GOSR2: variants seen among roughly 807,000 people sequenced by gnomAD.
The protein encoded by GOSR2 is 27 kDa Golgi SNARE protein.
A neutral mutation model predicts 27.9 loss-of-function variants in GOSR2; 20 were observed. The ratio of observed to expected loss-of-function variants is 0.72; its 90% CI spans 0.50 to 1.04. GOSR2 has a LOEUF of 1.04. Among genes scored for constraint, GOSR2 ranks in the 50% least tolerant of loss-of-function variants. The pLI is 0.00. For missense variants in GOSR2, 261 were observed against 270.5 expected, an observed-to-expected ratio of 0.97 and a Z score of 0.25; for synonymous variants, 91 against 98.8, an observed-to-expected ratio of 0.92 and a Z score of 0.47.
At chr17:46,963,880 A>G (rs1321448073) in intron 6 of GOSR2, 1 of 152,286 alleles carries the variant, frequency 6.6e-6, no homozygotes, top group East Asian at 1.9e-4. Context: ...GCAATAGCAC[A>G]ATAAGAGCTC....
In GOSR2 at chr17:46,939,206, C is replaced by G; in HGVS notation, c.*446C>G. Reference sequence around the variant, plus strand: ...AAAGGAAAGGAAAGAGGCCTTTTCTCACAGCCATTATATTAAATAGTAGGT... The same window carrying G: ...AAAGGAAAGGAAAGAGGCCTTTTCTGACAGCCATTATATTAAATAGTAGGT... On this transcript the variant is annotated 3_prime_UTR_variant, in exon 6 of 6. Transcript: ENST00000640051. 1.9e-6 allele frequency: 2 copies of G among 1,079,384 alleles called. No individual in the cohort carries two copies. Among genetic ancestry groups the G allele is most frequent in the Non-Finnish European group, 2.3e-6 (2 of 883,322 alleles). The allele number at this position is 1,079,384 out of a possible 1,614,324, so 66.9% of individuals were successfully genotyped here. A position where few individuals can be genotyped will look rare whatever the true frequency, so the allele number is the denominator to read the frequency against.
At chr17:46,926,321 A>T (rs1036749834) in intron 1 of GOSR2, among the ~76,000 whole-genome samples, 1 of 152,138 alleles carries the variant, frequency 6.6e-6, no homozygotes. Flanking sequence ...CAGCGTTTTC[A>T]TGTTCATCAT....
chr17:46,940,083 G>C lies in GOSR2; in HGVS notation c.*1323G>C, dbSNP rs980007951. On this transcript the variant is annotated 3_prime_UTR_variant, in exon 6 of 6. Coordinates refer to ENST00000640051, the MANE Select transcript of GOSR2 (RefSeq NM_004287.5). The stretch of plus-strand genomic sequence containing the variant: ...TTTCTTGTTGCTTGAACTGTCTTCT[G>C]TCTTATTTCCCTTCCTTTCTGTGTT... 20 of 1,129,104 alleles carry C rather than the reference G, an allele frequency of 1.8e-5. No homozygotes were observed. The African/African-American group carries it at 3.0e-4, about 17-fold the overall frequency. The allele number at this position is 1,129,104 out of a possible 1,614,324, so 69.9% of individuals were successfully genotyped here. A position where few individuals can be genotyped will look rare whatever the true frequency, so the allele number is the denominator to read the frequency against.
chr17:46,926,418 A>G (rs1012592769), intron 1 of GOSR2, among the ~76,000 whole-genome samples: 1 of 152,158 alleles, frequency 6.6e-6, no homozygotes, highest in African/African-American at 2.4e-5. Context: ...AAGCACTTCC[A>G]TTAAAAAATT....
intron 6 of GOSR2, chr17:46,973,138 A>T (rs2091410003): frequency 6.5e-6 from 1 of 153,174 alleles, no homozygotes; most frequent in Non-Finnish European, 1.5e-5. Context: ...CCACATGTGT[A>T]CACGTATACC....
chr17:46,974,252 C>T (rs191942303), intron 6 of GOSR2, among the ~76,000 whole-genome samples: 191 of 152,342 alleles, frequency 1.3e-3, no homozygotes, highest in African/African-American at 4.5e-3. Flanking sequence ...CAGGGCCAGA[C>T]GCTAGGTCTG....
rs117987302 is a variant in GOSR2 at position 46,935,256 on chromosome 17, G to A, written c.477+87G>A. The A allele has an allele frequency of 9.2e-5, 148 of 1,606,220 alleles. 1 individual carries two copies. Among genetic ancestry groups the A allele is most frequent in the East Asian group, 8.9e-4 (40 of 44,788 alleles). On this transcript the variant is annotated intron_variant, in intron 5 of 5. Transcript: ENST00000640051. The stretch of plus-strand genomic sequence containing the variant: ...GTAACTGTGTTTATATTTTGATTAC[G>A]TGTCCTCAAATTGTGATATTTTGAT...
Position 46,938,659 on chromosome 17 carries a change from C to G in GOSR2, c.538C>G (p.Arg180Gly), listed in dbSNP as rs1305687118. The G allele has an allele frequency of 6.2e-7, 1 of 1,614,024 alleles. No homozygotes were observed. Residue 180 changes from arginine (R) to glycine (G), a missense_variant, in exon 6 of 6, where the codon CGG becomes GGG. Transcript: ENST00000640051. ...GCTGGGCTTGTCCAACACAGTGATGCGGCTCATCGAGAAGCGGGCTTTCCA... is the reference window on the plus strand; with the variant it reads ...GCTGGGCTTGTCCAACACAGTGATGGGGCTCATCGAGAAGCGGGCTTTCCA... ...NMLGLSNTVM[R>G]LIEKRAFQDK...
chr17:46,955,152 T>C (rs982158545), intron 6 of GOSR2, among the ~76,000 whole-genome samples: 1 of 152,084 alleles, frequency 6.6e-6, no homozygotes, highest in African/African-American at 2.4e-5. Context: ...GGCTGTGGGT[T>C]TGTCATAGAT....
At position 46,938,979 on chromosome 17, in the gene GOSR2, A is replaced by G; in HGVS notation, c.*219A>G. 7.1e-7 allele frequency: 1 copy of G among 1,415,392 alleles called. No homozygotes were observed. Among genetic ancestry groups the G allele is most frequent in the East Asian group, 2.9e-5 (1 of 34,984 alleles). The allele number at this position is 1,415,392 out of a possible 1,614,324, so 87.7% of individuals were successfully genotyped here. On this transcript the variant is annotated 3_prime_UTR_variant, in exon 6 of 6. Coordinates refer to ENST00000640051, the MANE Select transcript of GOSR2 (RefSeq NM_004287.5). Reference sequence around the variant, plus strand: ...CACCACCATGCGCGGTGCTTAGGAAATGAAAGAAGTCCCGGGTCTGTCTCT... The same window carrying G: ...CACCACCATGCGCGGTGCTTAGGAAGTGAAAGAAGTCCCGGGTCTGTCTCT...
chr17:46,933,631 C>CTTTTTTTTTT (rs5820637), intron 4 of GOSR2: 6 of 134,734 alleles, frequency 4.5e-5, no homozygotes, highest in Non-Finnish European at 7.8e-5. Context: ...GTGGCATAAC[C>CTTTTTTTTTT]TTTTTTTTTT....
At chr17:46,935,313 T>C in intron 5 of GOSR2, 144 bp downstream of exon 5, 1 of 1,530,576 alleles carries the variant, frequency 6.5e-7, no homozygotes, top group East Asian at 2.3e-5. Flanking sequence ...TTGGGATCCT[T>C]TCTGTTGGAG....
intron 5 of GOSR2, chr17:46,937,876 T>C (rs1024203863): frequency 3.3e-5 from 5 of 153,210 alleles, no homozygotes; most frequent in African/African-American, 1.2e-4. Context: ...TATTTATTTA[T>C]GTATTTTTTG....
chr17:46,923,803 A>T (rs2086074925), intron 1 of GOSR2: 1 of 403,856 alleles, frequency 2.5e-6, no homozygotes. Flanking sequence ...CTCATAACTT[A>T]AATTCCTTGG....
intron 6 of GOSR2, among the ~76,000 whole-genome samples, chr17:46,965,243 A>T (rs2091261353): frequency 1.3e-5 from 2 of 152,238 alleles, no homozygotes; most frequent in Non-Finnish European, 2.9e-5. Context: ...AACCTGTCCC[A>T]GTCTTTACAG....
chr17:46,953,068 G>A (rs532372521), intron 6 of GOSR2, among the ~76,000 whole-genome samples: 6 of 150,942 alleles, frequency 4.0e-5, no homozygotes, highest in Admixed American at 2.0e-4. Flanking sequence ...ATTATTTTAC[G>A]TAAGTTTTAG....
chr17:46,973,770 G>A (rs930434628), intron 6 of GOSR2, among the ~76,000 whole-genome samples: 4 of 152,052 alleles, frequency 2.6e-5, no homozygotes, highest in African/African-American at 9.7e-5. Context: ...GATACTACTC[G>A]GAAATCCCAC....
In GOSR2 at chr17:46,923,322, G is replaced by T. The variant is rs1398508229; in HGVS notation, c.29+101G>T. The T allele has an allele frequency of 2.6e-6, 4 of 1,539,138 alleles. No individual in the cohort carries two copies. The Admixed American group carries it at 6.0e-5, about 23-fold the overall frequency. On this transcript the variant is annotated intron_variant, in intron 1 of 5. Coordinates refer to ENST00000640051, the MANE Select transcript of GOSR2 (RefSeq NM_004287.5). ...TCGGACGTCAGCCAGGGTAGAGGCC[G>T]AGTTTTTCCGCCAGGGCACTGCTGG...
At chr17:46,933,122 T>C (rs1168211228) in intron 4 of GOSR2, 2 of 152,246 alleles carry the variant, frequency 1.3e-5, no homozygotes, top group Non-Finnish European at 2.9e-5. Context: ...CACTAAAAGA[T>C]GTTTGGATTT....
Sources: allele counts gnomAD v4.1 joint callset (sites outside exome capture counted in the v4.1 genomes callset), GRCh38; gene constraint gnomAD v4.1.1; transcripts MANE v1.5; gene names NCBI Gene and HGNC (gene_info 2026-07-23, HGNC 2026-07-21).